The following SSH3 variants were observed in gnomAD, a reference collection of about 807,000 sequenced individuals.
SSH3 encodes the protein protein phosphatase Slingshot homolog 3.
In SSH3, 67 loss-of-function variants were observed where a neutral mutation model predicts 75.0. The ratio of observed to expected loss-of-function variants is 0.89; its 90% CI spans 0.73 to 1.10. The LOEUF is 1.10. Ranked by LOEUF, SSH3 falls within the 50% of genes least tolerant of loss-of-function variation. SSH3 has a pLI of 0.00. For missense variants in SSH3, 824 were observed against 872.7 expected (o/e 0.94, Z 0.70); for synonymous variants, 318 against 349.2 (o/e 0.91, Z 1.00).
intron 3 of SSH3, among the ~76,000 whole-genome samples, chr11:67,305,571 C>G (rs529353329): frequency 6.6e-6 from 1 of 152,210 alleles, no homozygotes; most frequent in African/African-American, 2.4e-5. Context: ...CCTGTGTGAG[C>G]CAATAGGGCC....
chr11:67,303,872 C>A lies in SSH3; in HGVS notation c.66+181C>A, dbSNP rs994142337. 7.7e-5 allele frequency: 59 copies of A among 767,478 alleles called. No individual in the cohort carries two copies. In the African/African-American group the frequency reaches 1.1e-3, roughly 14 times the overall value. 47.5% of individuals were successfully genotyped at this position (767,478 alleles called of 1,614,324 possible). A position where few individuals can be genotyped will look rare whatever the true frequency, so the allele number is the denominator to read the frequency against. On this transcript the variant is annotated intron_variant, in intron 1 of 13. Coordinates refer to ENST00000308127, the MANE Select transcript of SSH3 (RefSeq NM_017857.4). ...CTGGCGCCGGGGCACAATCCAGAGC[C>A]CTGCGCGCCGCCCGGGCTGCGGAGG...
At position 67,307,706 on chromosome 11, in the gene SSH3, T is replaced by A. The variant is rs777051119; in HGVS notation, c.760T>A (p.Ser254Thr). The A allele has an allele frequency of 1.9e-6, 3 of 1,613,314 alleles. No individual in the cohort carries two copies. The highest frequency in any genetic ancestry group is 2.5e-6 in the Non-Finnish European group (3 of 1,179,854). Residue 254 changes from serine to threonine, a missense_variant, in exon 7 of 14, where the codon TCT becomes ACT. Ser to Thr is a moderately conservative substitution (Grantham distance 58). Coordinates refer to ENST00000308127, the MANE Select transcript of SSH3 (RefSeq NM_017857.4). This position sits in a 1 kb window ranked among gnomAD's most constrained non-coding sequence, Gnocchi z 4.2. ...GTGGACGGCTATGGCCGACCTGGAG[T>A]CTCTGCGGCCTCCCAGCGCCGAGCC... ...NEWTAMADLE[S>T]LRPPSAEPGG...
chr11:67,304,038 C>G (rs781386626), intron 1 of SSH3, 80 bp from the exon 2 acceptor site: 29 of 1,506,492 alleles, frequency 1.9e-5, no homozygotes, highest in Non-Finnish European at 2.6e-5. Context: ...TCTGGCCTCC[C>G]CCAACTCTAG....
chr11:67,310,233 C>T lies in SSH3; in HGVS notation c.1577C>T (p.Pro526Leu), dbSNP rs766903816. ...EESQAAPKEEPGPRPRINLRG... is the reference protein window; with the variant it reads ...EESQAAPKEELGPRPRINLRG... ...AGCCAGGCAGCCCCGAAAGAAGAGC[C>T]TGGGCCACGGCCACGTATAAACCTC... is the stretch of plus-strand genomic sequence containing the variant. Residue 526 changes from proline (P) to leucine (L), a missense_variant, in exon 13 of 14, where the codon CCT becomes CTT. Coordinates refer to ENST00000308127, the MANE Select transcript of SSH3 (RefSeq NM_017857.4). 6.2e-7 allele frequency: 1 copy of T among 1,614,102 alleles called. No homozygotes were observed. Among genetic ancestry groups the T allele is most frequent in the Admixed American group, 1.7e-5 (1 of 60,014 alleles).
chr11:67,304,636 C>T (rs1486099409), intron 2 of SSH3, 137 bp from the exon 3 acceptor site: 1 of 831,798 alleles, frequency 1.2e-6, no homozygotes, highest in East Asian at 2.7e-5. Context: ...GGCCTCCACT[C>T]TAGACCTATC....
chr11:67,303,984 G>T, intron 1 of SSH3, 134 bp from the exon 2 acceptor site: 1 of 1,199,282 alleles, frequency 8.3e-7, no homozygotes, highest in Non-Finnish European at 1.1e-6. Context: ...CCTCCCGGTG[G>T]GGCGTGGACT....
intron 3 of SSH3, among the ~76,000 whole-genome samples, chr11:67,306,288 CAAA>C (rs760084863): frequency 2.8e-5 from 3 of 108,540 alleles, no homozygotes; most frequent in Non-Finnish European, 1.9e-5. Context: ...GACTCCATTG[CAAA>C]AAAAAAAAAA....
rs367568636 is a variant in SSH3 at position 67,308,137 on chromosome 11, G to A, written c.886-37G>A. ...GAAGGTGGCAGGTTGGGCACTAGGA[G>A]AGCCCCAGCCTCTCTTGCCCTGGGC... On this transcript the variant is annotated intron_variant, in intron 8 of 13. Transcript: ENST00000308127. This position sits in a 1 kb window ranked among gnomAD's most constrained non-coding sequence, Gnocchi z 4.9. 1 of 1,601,496 alleles carries A rather than the reference G, an allele frequency of 6.2e-7. No individual in the cohort carries two copies. Among genetic ancestry groups the A allele is most frequent in the South Asian group, 1.1e-5 (1 of 89,476 alleles).
Position 67,304,868 on chromosome 11 carries a change from A to G in SSH3, c.200A>G (p.Lys67Arg). ...AAEASSEPTEKAPSEEELHGD... is the reference protein window; with the variant it reads ...AAEASSEPTERAPSEEELHGD... ...GAGGCCAGTTCTGAGCCAACAGAGAAGGCCCCGAGTGAGGAGGAGCTCCAC... is the reference window on the plus strand; with the variant it reads ...GAGGCCAGTTCTGAGCCAACAGAGAGGGCCCCGAGTGAGGAGGAGCTCCAC... Residue 67 changes from lysine to arginine, a missense_variant, in exon 3 of 14, where the codon AAG becomes AGG. Lys to Arg is a conservative substitution (Grantham distance 26). Transcript: ENST00000308127. The G allele has an allele frequency of 6.2e-7, 1 of 1,613,882 alleles. No homozygotes were observed. The highest frequency in any genetic ancestry group is 8.5e-7 in the Non-Finnish European group (1 of 1,180,024).
At position 67,311,659 on chromosome 11, in the gene SSH3, G is replaced by A; in HGVS notation, c.1752G>A (p.Lys584=). ...LQPFPQLART[K]GGQQVDRGPQ... is the part of the protein sequence containing the mutation. ...CCTTCCCACAGCTTGCAAGGACCAA[G>A]GGAGGCCAGCAGGTGGACAGGGGGC... The change falls in exon 14 of 14, where the codon AAG becomes AAA. Residue 584 remains lysine, a synonymous_variant. Coordinates refer to ENST00000308127, the MANE Select transcript of SSH3 (RefSeq NM_017857.4). 6.2e-7 allele frequency: 1 copy of A among 1,614,128 alleles called. No individual in the cohort carries two copies. The highest frequency in any genetic ancestry group is 8.5e-7 in the Non-Finnish European group (1 of 1,180,016).
chr11:67,311,154 T>C (rs114905405), intron 13 of SSH3, among the ~76,000 whole-genome samples: 9,693 of 151,928 alleles, frequency 0.064, 1,035 homozygotes, highest in African/African-American at 0.22. Context: ...GATGGGCGGG[T>C]GTGGGCGTTG....
Position 67,307,400 on chromosome 11 carries a change from G to A in SSH3, c.566G>A (p.Ser189Asn), listed in dbSNP as rs1034174005. ...GGFSVTSGGQ[S>N]RIFKPISIQT... ...TTCAGCGTGACGTCTGGTGGGCAAA[G>A]CCGGATCTTCAAGCCCATCTCCATC... Residue 189 changes from serine (S) to asparagine (N), a missense_variant, in exon 6 of 14, where the codon AGC becomes AAC. By Grantham distance (46) the Ser-to-Asn change is conservative. Transcript: ENST00000308127. This position sits in a 1 kb window ranked among gnomAD's most constrained non-coding sequence, Gnocchi z 4.2. 7 of 1,614,040 alleles carry A rather than the reference G, an allele frequency of 4.3e-6. No homozygotes were observed. Among genetic ancestry groups the A allele is most frequent in the Non-Finnish European group, 5.9e-6 (7 of 1,180,022 alleles).
Position 67,308,549 on chromosome 11 carries a change from G to T in SSH3, c.1061+91G>T. The T allele has an allele frequency of 6.7e-7, 1 of 1,501,962 alleles. No homozygotes were observed. Among genetic ancestry groups the T allele is most frequent in the South Asian group, 1.2e-5 (1 of 82,482 alleles). 93.0% of individuals were successfully genotyped at this position (1,501,962 alleles called of 1,614,324 possible). The stretch of plus-strand genomic sequence containing the variant: ...TGGTAGCCAGCTTCAAAAACCCCTG[G>T]ACCACCCTCAGCAGCTGCTAGCTCT... On this transcript the variant is annotated intron_variant, in intron 10 of 13. Transcript: ENST00000308127. The surrounding 1 kb of genome is among the most constrained non-coding windows in gnomAD (Gnocchi z 4.9).
In SSH3 at chr11:67,303,560, A is replaced by G; in HGVS notation, c.-66A>G. On this transcript the variant is annotated 5_prime_UTR_variant, in exon 1 of 14. Transcript: ENST00000308127. ...TCCTTCCTGGTCCTGCGGGTCCAGG[A>G]CTGTCCGCGGGGTTGAGGGAAGGGG... 6.8e-7 allele frequency: 1 copy of G among 1,475,944 alleles called. No individual in the cohort carries two copies. The highest frequency in any genetic ancestry group is 9.1e-7 in the Non-Finnish European group (1 of 1,103,638). 91.4% of individuals were successfully genotyped at this position (1,475,944 alleles called of 1,614,324 possible).
At chr11:67,305,288 AC>A (rs1406755053) in intron 3 of SSH3, among the ~76,000 whole-genome samples, 1 of 150,408 alleles carries the variant, frequency 6.6e-6, no homozygotes, top group Admixed American at 6.6e-5. Context: ...CCGGGTTCAC[AC>A]CATTCTCCTG....
chr11:67,303,726 G>T, intron 1 of SSH3, 35 bp downstream of exon 1: 1 of 1,448,734 alleles, frequency 6.9e-7, no homozygotes, highest in Non-Finnish European at 9.0e-7. Context: ...CGCCCACGCA[G>T]TTGCTGCCCC....
chr11:67,303,952 C>T (rs1162448327), intron 1 of SSH3, 166 bp from the exon 2 acceptor site: 10 of 994,302 alleles, frequency 1.0e-5, no homozygotes, highest in South Asian at 1.8e-5. Flanking sequence ...CCGACCTGGC[C>T]TTGGGCCGGG....
rs190372024 is a variant in SSH3 at position 67,309,239 on chromosome 11, C to T, written c.1062-158C>T. ...AAGATGATTGGTCTAAGGTCGCAGC[C>T]AGGTGACAGCTGGGTCACTTCTCCT... On this transcript the variant is annotated intron_variant, in intron 10 of 13. Coordinates refer to ENST00000308127, the MANE Select transcript of SSH3 (RefSeq NM_017857.4). 3.0e-4 allele frequency: 265 copies of T among 874,950 alleles called. 1 individual carries two copies. The Middle Eastern group carries it at 4.1e-3, about 13-fold the overall frequency. 54.2% of individuals were successfully genotyped at this position (874,950 alleles called of 1,614,324 possible).
Position 67,307,414 on chromosome 11 carries a change from C to G in SSH3, c.580C>G (p.Pro194Ala). The G allele has an allele frequency of 6.2e-7, 1 of 1,614,040 alleles. No homozygotes were observed. The highest frequency in any genetic ancestry group is 8.5e-7 in the Non-Finnish European group (1 of 1,180,022). The change falls in exon 6 of 14, where the codon CCC (proline) becomes GCC (alanine). Residue 194 changes from proline (P) to alanine (A), a missense_variant. Pro to Ala is a conservative substitution (Grantham distance 27). Coordinates refer to ENST00000308127, the MANE Select transcript of SSH3 (RefSeq NM_017857.4). This position sits in a 1 kb window ranked among gnomAD's most constrained non-coding sequence, Gnocchi z 4.2. ...TGGTGGGCAAAGCCGGATCTTCAAG[C>G]CCATCTCCATCCAGACCATGTGGTA... is the stretch of plus-strand genomic sequence containing the variant. ...TSGGQSRIFKPISIQTMWATL... is the reference protein window; with the variant it reads ...TSGGQSRIFKAISIQTMWATL...
Sources: gnomAD v4.1 joint callset for allele counts (sites outside exome capture counted in the v4.1 genomes callset) on GRCh38, gnomAD v4.1.1 for gene constraint, Gnocchi (gnomAD v3.1) non-coding constraint, MANE v1.5 for transcripts, NCBI Gene and HGNC (gene_info 2026-07-23, HGNC 2026-07-21) for gene names.